The following NOS3 variants were observed in gnomAD, a reference collection of about 807,000 sequenced individuals.
NOS3 encodes NOS type III.
In NOS3, 98 loss-of-function variants were observed where a neutral mutation model predicts 144.9. That is an observed-to-expected ratio of 0.68 (90% confidence interval 0.57 to 0.80). The LOEUF (loss-of-function observed/expected upper bound fraction) is 0.80. Ranked by LOEUF, NOS3 falls within the 30% of genes least tolerant of loss-of-function variation. The pLI is 0.00. For synonymous variants in NOS3, 714 were observed against 702.4 expected (o/e 1.02, Z -0.26); for missense variants, 1,465 against 1,656.4 (o/e 0.88, Z 2.01).
At position 151,006,747 on chromosome 7, in the gene NOS3, T is replaced by G. The variant is rs1482636676; in HGVS notation, c.1821-142T>G. The G allele has an allele frequency of 5.3e-6, 4 of 747,772 alleles. No homozygotes were observed. In the East Asian group the frequency reaches 9.8e-5, roughly 18 times the overall value. The allele number at this position is 747,772 out of a possible 1,614,324, so 46.3% of individuals were successfully genotyped here. A position where few individuals can be genotyped will look rare whatever the true frequency, so the allele number is the denominator to read the frequency against. On this transcript the variant is annotated intron_variant, in intron 15 of 26. Coordinates refer to ENST00000297494, the MANE Select transcript of NOS3 (RefSeq NM_000603.5). ...GGCCCCAGGCTCGGAACCCCAGGGA[T>G]GCTGGCCCTCAGCCCCTCCCAAGGG... is the stretch of plus-strand genomic sequence containing the variant.
intron 24 of NOS3, 44 bp from the exon 25 acceptor site, chr7:151,013,187 T>G (rs772549065): frequency 1.3e-6 from 2 of 1,586,830 alleles, no homozygotes; most frequent in Non-Finnish European, 1.7e-6. Context: ...CCACTAGCAC[T>G]GTGCCCCGGA....
Position 151,013,757 on chromosome 7 carries a change from G to A in NOS3, c.3289G>A (p.Ala1097Thr), listed in dbSNP as rs1795367339. 1.2e-6 allele frequency: 2 copies of A among 1,611,038 alleles called. No homozygotes were observed. The highest frequency in any genetic ancestry group is 1.1e-5 in the South Asian group (1 of 90,660). ...GCAGGACATCCTGAGGACGGAGCTG[G>A]CTGCGGAGGTGCACCGCGTGCTGTG... The part of the protein sequence containing the change: ...YVQDILRTEL[A>T]AEVHRVLCLE... The change falls in exon 26 of 27, where the codon GCT becomes ACT. Residue 1097 changes from alanine (A) to threonine (T), a missense_variant. Coordinates refer to ENST00000297494, the MANE Select transcript of NOS3 (RefSeq NM_000603.5).
chr7:151,010,149 G>C lies in NOS3; in HGVS notation c.2547G>C (p.Arg849=). The C allele has an allele frequency of 6.2e-7, 1 of 1,609,370 alleles. No individual in the cohort carries two copies. Among genetic ancestry groups the C allele is most frequent in the South Asian group, 1.1e-5 (1 of 90,756 alleles). The part of the protein sequence containing the change: ...GPPPGWVRDP[R]LPPCTLRQAL... ...CCCCCGGCTGGGTGCGGGACCCCCG[G>C]CTGCCCCCGTGCACGCTGCGCCAGG... Residue 849 remains arginine (R), a synonymous_variant, in exon 21 of 27, where the codon CGG becomes CGC. Transcript: ENST00000297494.
In NOS3 at chr7:151,003,246, C is replaced by A; in HGVS notation, c.1752+942C>A. 1 of 456,514 alleles carries A rather than the reference C, an allele frequency of 2.2e-6. No homozygotes were observed. The highest frequency in any genetic ancestry group is 4.4e-6 in the Non-Finnish European group (1 of 229,486). The allele number at this position is 456,514 out of a possible 1,614,324, so 28.3% of individuals were successfully genotyped here. On this transcript the variant is annotated intron_variant, in intron 14 of 26. Transcript: ENST00000297494. The surrounding 1 kb of genome is among the most constrained non-coding windows in gnomAD (Gnocchi z 4.1). ...ACTCAAGCAATCCTCCCACTTCAAC[C>A]TCCCAAGTAGTTGGGACTACAGGCG...
intron 20 of NOS3, 94 bp downstream of exon 20, chr7:151,009,679 G>A (rs1795264837): frequency 1.8e-6 from 2 of 1,131,986 alleles, no homozygotes; most frequent in Non-Finnish European, 1.2e-6. Flanking sequence ...ACCCGACCCA[G>A]GGGGTGGCCA....
rs1202724383 is a variant in NOS3, at chr7:150,993,731, C to A, written c.-51-22C>A. The stretch of plus-strand genomic sequence containing the variant: ...GCCCCCTCCCACTGCCCCCTCCTCT[C>A]GGTCCCCTCCCTCTTCCTAAGGAAA... On this transcript the variant is annotated intron_variant, in intron 1 of 26. Coordinates refer to ENST00000297494, the MANE Select transcript of NOS3 (RefSeq NM_000603.5). This position sits in a 1 kb window ranked among gnomAD's most constrained non-coding sequence, Gnocchi z 4.0. 152 of 1,490,086 alleles carry A rather than the reference C, an allele frequency of 1.0e-4. No individual in the cohort carries two copies. Among genetic ancestry groups the A allele is most frequent in the Middle Eastern group, 1.8e-4 (1 of 5,574 alleles). The allele number at this position is 1,490,086 out of a possible 1,614,324, so 92.3% of individuals were successfully genotyped here. A position where few individuals can be genotyped will look rare whatever the true frequency, so the allele number is the denominator to read the frequency against.
rs751012761 is a variant in NOS3, at chr7:151,001,970, G to A, written c.1647+5G>A. On this transcript the variant is annotated splice_donor_5th_base_variant and intron_variant, in intron 13 of 26. Transcript: ENST00000297494. ...CGGAAGGCTTTTGATCCCCGGGTAG[G>A]GCTGAGCCCAGGGGAGCAGGGAGCT... 1.3e-4 allele frequency: 216 copies of A among 1,613,222 alleles called. No individual in the cohort carries two copies. Among genetic ancestry groups the A allele is most frequent in the Non-Finnish European group, 1.7e-4 (202 of 1,179,984 alleles).
Position 151,014,133 on chromosome 7 carries a change from G to T in NOS3, c.3576G>T (p.Ala1192=). The part of the protein sequence containing the change: ...ERQLRGAVPW[A]FDPPGSDTNS... ...AGTTGCGGGGCGCAGTGCCCTGGGC[G>T]TTCGACCCTCCCGGCTCAGACACCA... The change falls in exon 27 of 27, where the codon GCG becomes GCT. Residue 1192 remains alanine, a synonymous_variant. Coordinates refer to ENST00000297494, the MANE Select transcript of NOS3 (RefSeq NM_000603.5). The T allele has an allele frequency of 6.2e-7, 1 of 1,611,010 alleles. No homozygotes were observed.
intron 20 of NOS3, 97 bp from the exon 21 acceptor site, chr7:151,010,018 G>A (rs1470499786): frequency 2.3e-5 from 18 of 790,904 alleles, no homozygotes; most frequent in Non-Finnish European, 3.6e-5. Context: ...GCTGCTCAAG[G>A]GCAGGCTCTC....
Position 150,996,544 on chromosome 7 carries a change from C to T in NOS3, c.411C>T (p.Ser137=), listed in dbSNP as rs1474660680. The stretch of plus-strand genomic sequence containing the variant: ...ACTTCATCAACCAGTACTACAGCTC[C>T]ATTAAGAGGTGACAGCTTCCCGGAC... The part of the protein sequence containing the change: ...ARDFINQYYS[S]IKRSGSQAHE... The change falls in exon 4 of 27, where the codon TCC becomes TCT. Residue 137 remains serine (S), a synonymous_variant. Transcript: ENST00000297494. The T allele has an allele frequency of 1.9e-6, 3 of 1,596,302 alleles. No individual in the cohort carries two copies. Among genetic ancestry groups the T allele is most frequent in the Non-Finnish European group, 2.6e-6 (3 of 1,170,216 alleles).
chr7:151,010,445 C>T, intron 21 of NOS3, 152 bp from the exon 22 acceptor site: 1 of 1,061,882 alleles, frequency 9.4e-7, no homozygotes, highest in Non-Finnish European at 1.3e-6. Context: ...GGGAGGAATT[C>T]ATGGCTGGAT....
intron 1 of NOS3, among the ~76,000 whole-genome samples, chr7:150,992,897 C>A (rs1802285046): frequency 6.6e-6 from 1 of 152,162 alleles, no homozygotes; most frequent in Non-Finnish European, 1.5e-5. Flanking sequence ...GCCTGAAGTG[C>A]CTGGAGAGTG....
rs1795389971 is a variant in NOS3 at position 151,014,234 on chromosome 7, G to A, written c.*65G>A. The A allele has an allele frequency of 1.3e-6, 2 of 1,483,932 alleles. No homozygotes were observed. The highest frequency in any genetic ancestry group is 2.8e-5 in the African/African-American group (2 of 72,200). 91.9% of individuals were successfully genotyped at this position (1,483,932 alleles called of 1,614,324 possible). ...TGCCCGACTCAGGTCCGCCCGACCA[G>A]GATCAGCCCCGCTCCTCCCCTCTTG... On this transcript the variant is annotated 3_prime_UTR_variant, in exon 27 of 27. Transcript: ENST00000297494.
Position 150,998,652 on chromosome 7 carries a change from G to GA in NOS3, c.788_789insA (p.Asp264GlyfsTer35). ...CGGCAGCAGGATGGCTCTGTGCGGG[G>GA]GGACCCAGCCAACGTGGAGATCACC... On this transcript the variant is annotated frameshift_variant, in exon 7 of 27. Coordinates refer to ENST00000297494, the MANE Select transcript of NOS3 (RefSeq NM_000603.5). LOFTEE classifies it high-confidence loss of function. The surrounding 1 kb of genome is among the most constrained non-coding windows in gnomAD (Gnocchi z 5.0). 1.2e-6 allele frequency: 2 copies of GA among 1,608,422 alleles called. No individual in the cohort carries two copies. Among genetic ancestry groups the GA allele is most frequent in the Non-Finnish European group, 1.7e-6 (2 of 1,178,736 alleles).
chr7:150,996,629 C>G, intron 4 of NOS3, 77 bp downstream of exon 4: 5 of 1,506,732 alleles, frequency 3.3e-6, no homozygotes, highest in Non-Finnish European at 4.5e-6. Flanking sequence ...TTCCCATGAC[C>G]CCCTCCCTTC....
chr7:150,997,330 C>T (rs1480944404), intron 5 of NOS3, among the ~76,000 whole-genome samples: 1 of 152,030 alleles, frequency 6.6e-6, no homozygotes, highest in East Asian at 1.9e-4. Flanking sequence ...CTTCCCTGGG[C>T]GGTGCTGTCA....
chr7:150,997,469 G>A (rs565957833), intron 5 of NOS3, among the ~76,000 whole-genome samples: 4 of 152,158 alleles, frequency 2.6e-5, no homozygotes, highest in African/African-American at 9.6e-5. Context: ...CCCCTGCTTC[G>A]GCCCGCACCC....
At chr7:151,001,087 C>A (rs1418606575) in intron 10 of NOS3, 144 bp from the exon 11 acceptor site, 2 of 755,402 alleles carry the variant, frequency 2.6e-6, no homozygotes, top group Admixed American at 2.2e-5. Context: ...GTGAGGGTGA[C>A]ATTGTGGTTT....
chr7:151,004,808 G>T (rs1382758562), intron 14 of NOS3, among the ~76,000 whole-genome samples: 3 of 152,140 alleles, frequency 2.0e-5, no homozygotes, highest in Admixed American at 6.5e-5. Flanking sequence ...ACAGGAAGAA[G>T]GCACGAAGTT....
Sources: allele counts gnomAD v4.1 joint callset (sites outside exome capture counted in the v4.1 genomes callset), GRCh38; gene constraint gnomAD v4.1.1; non-coding constraint Gnocchi (gnomAD v3.1); transcripts MANE v1.5; gene names NCBI Gene and HGNC (gene_info 2026-07-23, HGNC 2026-07-21).